The following TMPRSS5 variants were observed in gnomAD, a reference collection of about 807,000 sequenced individuals.
TMPRSS5 encodes transmembrane serine protease 5.
In TMPRSS5, 45 loss-of-function variants were observed where a neutral mutation model predicts 59.7. The ratio of observed to expected loss-of-function variants is 0.75; its 90% CI spans 0.59 to 0.97. The LOEUF (loss-of-function observed/expected upper bound fraction) is 0.97. TMPRSS5 is among the 50% of genes least tolerant of loss of function. The pLI is 0.00. For missense variants in TMPRSS5, 585 were observed against 596.7 expected, an observed-to-expected ratio of 0.98 and a Z score of 0.20; for synonymous variants, 225 against 232.0, an observed-to-expected ratio of 0.97 and a Z score of 0.27.
chr11:113,703,401 C>T (rs1373255274), intron 1 of TMPRSS5, among the ~76,000 whole-genome samples: 2 of 152,298 alleles, frequency 1.3e-5, no homozygotes, highest in East Asian at 3.9e-4. Context: ...AACTAACTTG[C>T]TTTTGATTTT....
chr11:113,701,590 C>T (rs924944129), intron 1 of TMPRSS5, among the ~76,000 whole-genome samples: 10 of 151,660 alleles, frequency 6.6e-5, no homozygotes, highest in African/African-American at 2.4e-4. Context: ...AATGTGTACA[C>T]CCACATGACC....
In TMPRSS5 at chr11:113,700,050, G is replaced by T; in HGVS notation, c.106+16C>A. On this transcript the variant is annotated intron_variant, in intron 2 of 12. Transcript: ENST00000299882. ...GTCCCCACCCTGTCATTCCCCTATG[G>T]CCCAGTCTGGCCTACTGGGATGCTG... 1 of 1,555,372 alleles carries T rather than the reference G, an allele frequency of 6.4e-7. No individual in the cohort carries two copies. Among genetic ancestry groups the T allele is most frequent in the South Asian group, 1.2e-5 (1 of 84,040 alleles).
Position 113,698,213 on chromosome 11 carries a change from T to C in TMPRSS5, c.328+692A>G, listed in dbSNP as rs558438326. 9.2e-4 allele frequency among the ~76,000 whole-genome samples: 139 copies of C among 151,902 alleles called. 1 individual carries two copies. The highest frequency in any genetic ancestry group is 3.3e-3 in the African/African-American group (138 of 41,348). On this transcript the variant is annotated intron_variant, in intron 4 of 12. Coordinates refer to ENST00000299882, the MANE Select transcript of TMPRSS5 (RefSeq NM_030770.4). ...CAGAACGGTGAGAAAATAAATGTGG[T>C]TTAAACCACCCGGTCTGTGGTACTT...
At chr11:113,701,496 G>A (rs567536842) in intron 1 of TMPRSS5, among the ~76,000 whole-genome samples, 2 of 151,414 alleles carry the variant, frequency 1.3e-5, no homozygotes, top group East Asian at 3.9e-4. Flanking sequence ...TGGCGGGGGG[G>A]GGTGTTTTGT....
intron 1 of TMPRSS5, among the ~76,000 whole-genome samples, chr11:113,701,497 G>A (rs1007640829): frequency 1.3e-5 from 2 of 150,822 alleles, no homozygotes; most frequent in Admixed American, 6.6e-5. Context: ...GGCGGGGGGG[G>A]GTGTTTTGTT....
chr11:113,695,699 G>A (rs974643426), intron 6 of TMPRSS5, among the ~76,000 whole-genome samples: 1 of 152,166 alleles, frequency 6.6e-6, no homozygotes, highest in Non-Finnish European at 1.5e-5. Context: ...AGGACTTCAT[G>A]GTCCTTGCAG....
chr11:113,696,279 A>G (rs1008078829), intron 6 of TMPRSS5, among the ~76,000 whole-genome samples: 9 of 152,172 alleles, frequency 5.9e-5, no homozygotes, highest in Non-Finnish European at 1.2e-4. Context: ...AAGCCTAGGA[A>G]GGCACAAAGA....
rs768925489 is a variant in TMPRSS5 at position 113,697,020 on chromosome 11, G to A, written c.465-49C>T. On this transcript the variant is annotated intron_variant, in intron 5 of 12. Coordinates refer to ENST00000299882, the MANE Select transcript of TMPRSS5 (RefSeq NM_030770.4). ...CAGGAGGAAATCATAACTGGAATATGTACGAGATATAATACTAGTATAGTG... is the reference window on the plus strand; with the variant it reads ...CAGGAGGAAATCATAACTGGAATATATACGAGATATAATACTAGTATAGTG... 96 of 1,384,524 alleles carry A rather than the reference G, an allele frequency of 6.9e-5. 1 individual carries two copies. The highest frequency in any genetic ancestry group is 7.4e-5 in the Non-Finnish European group (74 of 994,294). The allele number at this position is 1,384,524 out of a possible 1,614,324, so 85.8% of individuals were successfully genotyped here.
At chr11:113,689,997 G>A (rs1952719894) in intron 11 of TMPRSS5, 80 bp from the exon 12 acceptor site, 3 of 1,410,136 alleles carry the variant, frequency 2.1e-6, no homozygotes, top group South Asian at 1.4e-5. Flanking sequence ...ACTATGGCAA[G>A]TGGAATCTCC....
chr11:113,701,467 A>G (rs1006079987), intron 1 of TMPRSS5, among the ~76,000 whole-genome samples: 3 of 144,678 alleles, frequency 2.1e-5, no homozygotes, highest in Non-Finnish European at 4.5e-5. Context: ...AGATCTGTGG[A>G]ACTTTGGTGG....
At chr11:113,695,467 G>A (rs1274182354) in intron 6 of TMPRSS5, 24 bp from the exon 7 acceptor site, 1 of 1,613,764 alleles carries the variant, frequency 6.2e-7, no homozygotes, top group Admixed American at 1.7e-5. Flanking sequence ...GTACCAACAA[G>A]AAGCTGGGCA....
chr11:113,692,386 G>A (rs1952807334), intron 9 of TMPRSS5, among the ~76,000 whole-genome samples: 2 of 152,194 alleles, frequency 1.3e-5, no homozygotes, highest in Admixed American at 1.3e-4. Flanking sequence ...GTTCATGTGA[G>A]CACGTACATG....
chr11:113,697,417 T>C lies in TMPRSS5; in HGVS notation c.330A>G (p.Val110=), dbSNP rs369589337. The C allele has an allele frequency of 1.9e-6, 3 of 1,613,540 alleles. No homozygotes were observed. Among genetic ancestry groups the C allele is most frequent in the African/African-American group, 1.3e-5 (1 of 74,930 alleles). The stretch of plus-strand genomic sequence containing the variant: ...AGTCTTCGCTGTTTATTCTGAAAGA[T>C]ACTGAAATCACAGCATGAAAACCAC... ...EALLPALPKT[V]SFRINSEDFL... is the part of the protein sequence containing the mutation. Residue 110 remains valine (V), a splice_region_variant and synonymous_variant, in exon 5 of 13, where the codon GTA becomes GTG. Transcript: ENST00000299882.
chr11:113,694,695 G>A (rs761811939), intron 7 of TMPRSS5, 55 bp from the exon 8 acceptor site: 1 of 1,470,350 alleles, frequency 6.8e-7, no homozygotes, highest in Non-Finnish European at 9.1e-7. Context: ...TGTCAGCATG[G>A]TCCTAACTCT....
chr11:113,693,662 ACT>A (rs1411079965), intron 8 of TMPRSS5: 3 of 162,444 alleles, frequency 1.8e-5, no homozygotes, highest in Admixed American at 1.8e-4. Context: ...TGGGGATTAC[ACT>A]CTCTGCCCTG....
At chr11:113,699,273 CTCT>C (rs1565263882) in intron 3 of TMPRSS5, among the ~76,000 whole-genome samples, 1 of 52,956 alleles carries the variant, frequency 1.9e-5, no homozygotes, top group African/African-American at 1.8e-4. Context: ...CTCTCTCTCC[CTCT>C]CTCTCTCTCT....
chr11:113,688,069 A>C lies in TMPRSS5; in HGVS notation c.*191T>G. The C allele has an allele frequency of 1.2e-6, 1 of 818,598 alleles. No homozygotes were observed. The highest frequency in any genetic ancestry group is 1.7e-6 in the Non-Finnish European group (1 of 590,124). The allele number at this position is 818,598 out of a possible 1,614,324, so 50.7% of individuals were successfully genotyped here. A position where few individuals can be genotyped will look rare whatever the true frequency, so the allele number is the denominator to read the frequency against. On this transcript the variant is annotated 3_prime_UTR_variant, in exon 13 of 13. Transcript: ENST00000299882. ...TAGTGAGAAAGAGGACTCTGAAATCAGGGCCCAAGAGGAGAGACCTGTTGG... is the reference window on the plus strand; with the variant it reads ...TAGTGAGAAAGAGGACTCTGAAATCCGGGCCCAAGAGGAGAGACCTGTTGG...
At chr11:113,698,873 G>A (rs755225359) in intron 4 of TMPRSS5, 32 bp downstream of exon 4, 19 of 1,568,656 alleles carry the variant, frequency 1.2e-5, no homozygotes, top group Non-Finnish European at 1.6e-5. Context: ...CTGCTGGGGA[G>A]GGAGGCCCGT....
rs1400339778 is a variant in TMPRSS5, at chr11:113,690,225, C to T, written c.1206+6G>A. 1 of 1,546,382 alleles carries T rather than the reference C, an allele frequency of 6.5e-7. No individual in the cohort carries two copies. The highest frequency in any genetic ancestry group is 2.5e-5 in the East Asian group (1 of 40,586). On this transcript the variant is annotated splice_donor_region_variant and intron_variant, in intron 11 of 12. Transcript: ENST00000299882. Reference sequence around the variant, plus strand: ...CCACCCTCACCCCAGCCACCACAGGCCACACCTGGCATGCATCAGCCCTTC... The same window carrying T: ...CCACCCTCACCCCAGCCACCACAGGTCACACCTGGCATGCATCAGCCCTTC...
Sources: gnomAD v4.1 joint callset for allele counts (sites outside exome capture counted in the v4.1 genomes callset) on GRCh38, gnomAD v4.1.1 for gene constraint, MANE v1.5 for transcripts, NCBI Gene and HGNC (gene_info 2026-07-23, HGNC 2026-07-21) for gene names.